ENC1: variants seen among roughly 807,000 people sequenced by gnomAD.
ENC1 encodes ectodermal-neural cortex 1.
A neutral mutation model predicts 40.9 loss-of-function variants in ENC1; 19 were observed. The observed-to-expected ratio is 0.46, with a 90% CI of 0.32 to 0.68. ENC1 has a LOEUF of 0.68. ENC1 is among the 30% of genes least tolerant of loss of function. The pLI is 0.03. For synonymous variants in ENC1, 285 were observed against 291.1 expected (o/e 0.98, Z 0.21); for missense variants, 479 against 737.5 (o/e 0.65, Z 4.06).
chr5:74,630,542 G>A (rs1228201754), intron 2 of ENC1, among the ~76,000 whole-genome samples: 1 of 152,062 alleles, frequency 6.6e-6, no homozygotes, highest in Non-Finnish European at 1.5e-5. Context: ...ATCCATTATG[G>A]CAGAAATCAG....
chr5:74,636,640 C>T lies in ENC1; in HGVS notation c.-13-142G>A. On this transcript the variant is annotated intron_variant, in intron 1 of 2. Coordinates refer to ENST00000302351, the MANE Select transcript of ENC1 (RefSeq NM_003633.4). This position sits in a 1 kb window ranked among gnomAD's most constrained non-coding sequence, Gnocchi z 4.8. The stretch of plus-strand genomic sequence containing the variant: ...CTACTATTCTAGAATAGTGTATGGC[C>T]ATTCCAGGACAAAGCCAGAGACAAC... The T allele has an allele frequency of 3.4e-6, 2 of 588,950 alleles. No individual in the cohort carries two copies. The highest frequency in any genetic ancestry group is 6.0e-6 in the Non-Finnish European group (2 of 335,494). 36.5% of individuals were successfully genotyped at this position (588,950 alleles called of 1,614,324 possible).
chr5:74,631,933 G>A (rs186747540), intron 2 of ENC1, among the ~76,000 whole-genome samples: 7 of 152,296 alleles, frequency 4.6e-5, no homozygotes, highest in Admixed American at 3.3e-4. Flanking sequence ...TACACGTCAA[G>A]CACTGGGCTA....
chr5:74,635,248 T>C lies in ENC1; in HGVS notation c.1238A>G (p.Gln413Arg). The C allele has an allele frequency of 1.2e-6, 2 of 1,614,188 alleles. No individual in the cohort carries two copies. The highest frequency in any genetic ancestry group is 2.2e-5 in the East Asian group (1 of 44,880). The stretch of plus-strand genomic sequence containing the variant: ...GATTGTGGGGTCATAATGTTCTACC[T>C]GCTTTAGAGAGACTGAGGGGGAGGC... The part of the protein sequence containing the change: ...LPASPSVSLK[Q>R]VEHYDPTINK... Residue 413 changes from glutamine to arginine, a missense_variant, in exon 2 of 3, where the codon CAG becomes CGG. Physicochemically the swap from Gln to Arg is conservative, Grantham distance 43. Coordinates refer to ENST00000302351, the MANE Select transcript of ENC1 (RefSeq NM_003633.4). This position sits in a 1 kb window ranked among gnomAD's most constrained non-coding sequence, Gnocchi z 5.5.
Position 74,636,093 on chromosome 5 carries a change from G to A in ENC1, c.393C>T (p.Asp131=), listed in dbSNP as rs770245457. The change falls in exon 2 of 3, where the codon GAC becomes GAT. Residue 131 remains aspartate, a synonymous_variant. Transcript: ENST00000302351. The surrounding 1 kb of genome is among the most constrained non-coding windows in gnomAD (Gnocchi z 4.8). The stretch of plus-strand genomic sequence containing the variant: ...GGAACTCTGCACATGCATCCCGGAT[G>A]TCTTGAAACTCCAGCATGTCACCAG... ...LEAGDMLEFQ[D]IRDACAEFLE... The A allele has an allele frequency of 5.6e-6, 9 of 1,614,042 alleles. No homozygotes were observed. The highest frequency in any genetic ancestry group is 4.0e-5 in the African/African-American group (3 of 74,906).
In ENC1 at chr5:74,627,941, G is replaced by A. The variant is rs946925218; in HGVS notation, c.*2084C>T. 14 of 152,640 alleles carry A rather than the reference G, an allele frequency of 9.2e-5. No individual in the cohort carries two copies. Among genetic ancestry groups the A allele is most frequent in the African/African-American group, 3.4e-4 (14 of 41,450 alleles). The allele number at this position is 152,640 out of a possible 1,614,324, so 9.5% of individuals were successfully genotyped here. A position where few individuals can be genotyped will look rare whatever the true frequency, so the allele number is the denominator to read the frequency against. ...TGGCTCACACACAGTAATTAATAGA[G>A]GATTCAAGAACAGACCCCAACTTTG... On this transcript the variant is annotated 3_prime_UTR_variant, in exon 3 of 3. Transcript: ENST00000302351.
Position 74,635,621 on chromosome 5 carries a change from G to T in ENC1, c.865C>A (p.Arg289=), listed in dbSNP as rs1418237287. The change falls in exon 2 of 3, where the codon CGA becomes AGA. Residue 289 remains arginine, a synonymous_variant. Transcript: ENST00000302351. This position sits in a 1 kb window ranked among gnomAD's most constrained non-coding sequence, Gnocchi z 5.5. ...AGGGCATGGCCAGTTTTCCGAGGTC[G>T]GGCACAGAGGCTGGTTACCACACCG... ...NDGVVTSLCA[R]PRKTGHALFL... The T allele has an allele frequency of 1.2e-6, 2 of 1,614,162 alleles. No homozygotes were observed. Among genetic ancestry groups the T allele is most frequent in the Non-Finnish European group, 1.7e-6 (2 of 1,180,024 alleles).
chr5:74,632,239 T>A (rs1747418730), intron 2 of ENC1: 1 of 152,240 alleles, frequency 6.6e-6, no homozygotes. Context: ...AGTTCTGGAC[T>A]AACACCCAAC....
chr5:74,634,912 G>A lies in ENC1; in HGVS notation c.1574C>T (p.Thr525Ile). 2 of 1,614,164 alleles carry A rather than the reference G, an allele frequency of 1.2e-6. No individual in the cohort carries two copies. The highest frequency in any genetic ancestry group is 1.7e-6 in the Non-Finnish European group (2 of 1,179,984). The change falls in exon 2 of 3, where the codon ACA becomes ATA. Residue 525 changes from threonine to isoleucine, a missense_variant. Coordinates refer to ENST00000302351, the MANE Select transcript of ENC1 (RefSeq NM_003633.4). ...AGCATGGCAGCTCATGCGCTTTGCTGTCACATCTCCCACCTTGGTCCACTG... is the reference window on the plus strand; with the variant it reads ...AGCATGGCAGCTCATGCGCTTTGCTATCACATCTCCCACCTTGGTCCACTG... ...TYQWTKVGDV[T>I]AKRMSCHAVA...
Position 74,636,463 on chromosome 5 carries a change from T to C in ENC1, c.23A>G (p.Asn8Ser), listed in dbSNP as rs1405021352. MSVSVHE[N>S]RKSRASSGSI... ...GCCGCTGCTGGCCCTGGACTTGCGG[T>C]TCTCATGCACACTGACTGACATTTT... Residue 8 changes from asparagine (N) to serine (S), a missense_variant, in exon 2 of 3, where the codon AAC (asparagine) becomes AGC (serine). Asn to Ser is a conservative substitution (Grantham distance 46). Coordinates refer to ENST00000302351, the MANE Select transcript of ENC1 (RefSeq NM_003633.4). This position sits in a 1 kb window ranked among gnomAD's most constrained non-coding sequence, Gnocchi z 4.8. 1 of 1,611,022 alleles carries C rather than the reference T, an allele frequency of 6.2e-7. No individual in the cohort carries two copies. The highest frequency in any genetic ancestry group is 8.5e-7 in the Non-Finnish European group (1 of 1,177,442).
intron 1 of ENC1, among the ~76,000 whole-genome samples, chr5:74,638,097 G>A (rs1198167588): frequency 2.6e-5 from 4 of 152,318 alleles, no homozygotes; most frequent in African/African-American, 9.6e-5. Context: ...TATCCCCAGA[G>A]GGTAAACTGT....
chr5:74,638,565 T>C (rs1446015869), intron 1 of ENC1, among the ~76,000 whole-genome samples: 5 of 152,192 alleles, frequency 3.3e-5, no homozygotes, highest in Admixed American at 1.3e-4. Flanking sequence ...AAGCTAAGCA[T>C]CTACTGTCTA....
In ENC1 at chr5:74,636,150, G is replaced by A. The variant is rs1352046067; in HGVS notation, c.336C>T (p.Ile112=). 3 of 1,614,116 alleles carry A rather than the reference G, an allele frequency of 1.9e-6. No homozygotes were observed. Among genetic ancestry groups the A allele is most frequent in the Non-Finnish European group, 2.5e-6 (3 of 1,180,024 alleles). The change falls in exon 2 of 3, where the codon ATC becomes ATT. Residue 112 remains isoleucine (I), a synonymous_variant. Transcript: ENST00000302351. The surrounding 1 kb of genome is among the most constrained non-coding windows in gnomAD (Gnocchi z 4.8). ...GGAGCGATTCTGCATTTTCTTCATT[G>A]ATGATGACCCGGGAGGAGTACGCAT... ...LDYAYSSRVI[I]NEENAESLLE...
chr5:74,628,907 C>T lies in ENC1; in HGVS notation c.*1118G>A, dbSNP rs1747293712. ...TATTCCATAGAATTTTCCAGGATTT[C>T]AAGATACTACACAAAGAAAAAAACT... On this transcript the variant is annotated 3_prime_UTR_variant, in exon 3 of 3. Coordinates refer to ENST00000302351, the MANE Select transcript of ENC1 (RefSeq NM_003633.4). 1 of 152,072 alleles carries T rather than the reference C, an allele frequency of 6.6e-6. No homozygotes were observed. The highest frequency in any genetic ancestry group is 1.5e-5 in the Non-Finnish European group (1 of 68,012). The allele number at this position is 152,072 out of a possible 1,614,324, so 9.4% of individuals were successfully genotyped here. A position where few individuals can be genotyped will look rare whatever the true frequency, so the allele number is the denominator to read the frequency against.
rs1747530441 is a variant in ENC1 at position 74,635,121 on chromosome 5, AC to A, written c.1364del (p.Ser455IlefsTer70). 6.2e-7 allele frequency: 1 copy of A among 1,614,100 alleles called. No homozygotes were observed. Among genetic ancestry groups the A allele is most frequent in the African/African-American group, 1.3e-5 (1 of 74,930 alleles). On this transcript the variant is annotated frameshift_variant, in exon 2 of 3. Coordinates refer to ENST00000302351, the MANE Select transcript of ENC1 (RefSeq NM_003633.4). LOFTEE classifies it high-confidence loss of function. The surrounding 1 kb of genome is among the most constrained non-coding windows in gnomAD (Gnocchi z 5.5). ...ACTGAACTTTGGGGAGCTTGTCATG[AC>A]TGACACTGGTACCTCCGAAAGCAAA... ...KLFAFGGTSV[S>X]HDKLPKVQCY...
intron 2 of ENC1, among the ~76,000 whole-genome samples, chr5:74,632,713 G>A (rs774987382): frequency 4.6e-5 from 7 of 152,122 alleles, no homozygotes; most frequent in Admixed American, 1.3e-4. Context: ...AAAGCCCGAC[G>A]TGGTGGCGGG....
chr5:74,638,415 AG>A (rs1188278827), intron 1 of ENC1, among the ~76,000 whole-genome samples: 1 of 152,208 alleles, frequency 6.6e-6, no homozygotes, highest in African/African-American at 2.4e-5. Context: ...TTTTATGATG[AG>A]TAAACATGGC....
chr5:74,635,876 T>C lies in ENC1; in HGVS notation c.610A>G (p.Thr204Ala), dbSNP rs1747570429. 1 of 1,613,890 alleles carries C rather than the reference T, an allele frequency of 6.2e-7. No homozygotes were observed. The highest frequency in any genetic ancestry group is 1.1e-5 in the South Asian group (1 of 91,090). The part of the protein sequence containing the change: ...VQLLSSEELE[T>A]EDERLVYESA... ...TCGTACACAAGCCTTTCATCCTCTG[T>C]CTCCAGCTCTTCACTGGACAAGAGT... Residue 204 changes from threonine to alanine, a missense_variant, in exon 2 of 3, where the codon ACA becomes GCA. Physicochemically the swap from Thr to Ala is moderately conservative, Grantham distance 58. Coordinates refer to ENST00000302351, the MANE Select transcript of ENC1 (RefSeq NM_003633.4). The surrounding 1 kb of genome is among the most constrained non-coding windows in gnomAD (Gnocchi z 5.5).
At chr5:74,634,442 A>G (rs1000055772) in intron 2 of ENC1, among the ~76,000 whole-genome samples, 3 of 152,164 alleles carry the variant, frequency 2.0e-5, no homozygotes, top group Admixed American at 6.5e-5. Context: ...AAATAAATAA[A>G]AAGCTCTTCA....
Position 74,636,344 on chromosome 5 carries a change from C to A in ENC1, c.142G>T (p.Val48Phe), listed in dbSNP as rs758360992. 1 of 1,614,132 alleles carries A rather than the reference C, an allele frequency of 6.2e-7. No homozygotes were observed. Among genetic ancestry groups the A allele is most frequent in the East Asian group, 2.2e-5 (1 of 44,870 alleles). ...GTCCTATTTCCGGCATGGAGAAGGACGTCAGTGAAGAGACGCTGCTGGCGT... is the reference window on the plus strand; with the variant it reads ...GTCCTATTTCCGGCATGGAGAAGGAAGTCAGTGAAGAGACGCTGCTGGCGT... The part of the protein sequence containing the change: ...LLRQQRLFTD[V>F]LLHAGNRTFP... Residue 48 changes from valine (V) to phenylalanine (F), a missense_variant, in exon 2 of 3, where the codon GTC becomes TTC. Val to Phe is a conservative substitution (Grantham distance 50). Coordinates refer to ENST00000302351, the MANE Select transcript of ENC1 (RefSeq NM_003633.4). This position sits in a 1 kb window ranked among gnomAD's most constrained non-coding sequence, Gnocchi z 4.8.
Sources: allele counts gnomAD v4.1 joint callset (sites outside exome capture counted in the v4.1 genomes callset), GRCh38; gene constraint gnomAD v4.1.1; non-coding constraint Gnocchi (gnomAD v3.1); transcripts MANE v1.5; gene names NCBI Gene and HGNC (gene_info 2026-07-23, HGNC 2026-07-21).